Variants in ZNF99 observed in about 807,000 individuals in gnomAD.
ZNF99 encodes zinc finger protein ENSP00000375192.
ZNF99 carries 8 observed loss-of-function variants against 12.8 expected under a neutral mutation model. The ratio of observed to expected loss-of-function variants is 0.62; its 90% CI spans 0.37 to 1.13. The LOEUF (loss-of-function observed/expected upper bound fraction) is 1.13. ZNF99 is among the 50% of genes most tolerant of loss of function. The pLI is 0.02. For synonymous variants in ZNF99, 318 were observed against 319.0 expected (o/e 1.00, Z 0.03); for missense variants, 1,007 against 1,006.2 (o/e 1.00, Z -0.01).
At position 22,768,127 on chromosome 19, in the gene ZNF99, A is replaced by G. The variant is rs111689632; in HGVS notation, c.226+178T>C. 6.2e-3 allele frequency among the ~76,000 whole-genome samples: 950 copies of G among 152,342 alleles called. 12 individuals carry two copies. Among genetic ancestry groups the G allele is most frequent in the African/African-American group, 0.019 (804 of 41,574 alleles). On this transcript the variant is annotated intron_variant, in intron 3 of 3. Transcript: ENST00000596209. ...AAAACGAAAATAGAATCCTTAGAGA[A>G]TTTTAAAGCATAAGACAGAAGATGC...
At chr19:22,769,938 A>G in intron 1 of ZNF99, 1 of 1,360,264 alleles carries the variant, frequency 7.4e-7, no homozygotes, top group South Asian at 1.2e-5. Flanking sequence ...CTATTTTTAA[A>G]TCATACAGAA....
chr19:22,771,923 G>A, intron 1 of ZNF99, among the ~76,000 whole-genome samples: 1 of 148,358 alleles, frequency 6.7e-6, no homozygotes, highest in Non-Finnish European at 1.5e-5. Context: ...TCACCATATT[G>A]GCCAGGCTGG....
Position 22,757,811 on chromosome 19 carries a change from T to A in ZNF99, c.2098A>T (p.Thr700Ser), listed in dbSNP as rs2145140411. The A allele has an allele frequency of 6.2e-7, 1 of 1,612,994 alleles. No individual in the cohort carries two copies. The highest frequency in any genetic ancestry group is 2.2e-5 in the East Asian group (1 of 44,820). ...TCACATTTGTAGGGTTTCTTTCCAG[T>A]ATGAATTATCTTATGTTTCCTAAGG... The part of the protein sequence containing the change: ...SALRKHKIIH[T>S]GKKPYKCEEC... Residue 700 changes from threonine (T) to serine (S), a missense_variant, in exon 4 of 4, where the codon ACT (threonine) becomes TCT (serine). Physicochemically the swap from Thr to Ser is moderately conservative, Grantham distance 58 (BLOSUM62 1). Transcript: ENST00000596209.
At chr19:22,775,715 A>C (rs1973317808) in intron 1 of ZNF99, among the ~76,000 whole-genome samples, 1 of 152,258 alleles carries the variant, frequency 6.6e-6, no homozygotes, top group Non-Finnish European at 1.5e-5. Flanking sequence ...CAAGAAACAA[A>C]CAACCTCCTT....
chr19:22,758,803 T>G lies in ZNF99; in HGVS notation c.1106A>C (p.Tyr369Ser), dbSNP rs376938610. The G allele has an allele frequency of 4.4e-6, 7 of 1,603,822 alleles. No homozygotes were observed. Among genetic ancestry groups the G allele is most frequent in the Non-Finnish European group, 6.0e-6 (7 of 1,173,430 alleles). Reference sequence around the variant, plus strand: ...AGCTTTGCCGCATTCTTCATATTTGTAGGGTTTCTCTTCAGTATGAATTAT... The same window carrying G: ...AGCTTTGCCGCATTCTTCATATTTGGAGGGTTTCTCTTCAGTATGAATTAT... ...HEIIHTEEKP[Y>S]KYEECGKAFS... Residue 369 changes from tyrosine to serine, a missense_variant, in exon 4 of 4, where the codon TAC becomes TCC. Transcript: ENST00000596209.
chr19:22,771,498 G>A lies in ZNF99; in HGVS notation c.4-2174C>T, dbSNP rs1490633379. ...TCTCGATCTCCTGACCTCGTGATCC[G>A]CCTGCCTTGGCCTCCCAAAGTGCTG... On this transcript the variant is annotated intron_variant, in intron 1 of 3. Transcript: ENST00000596209. Among the ~76,000 whole-genome samples, 15 of 151,580 alleles carry A rather than the reference G, an allele frequency of 9.9e-5. No individual in the cohort carries two copies. The East Asian group carries it at 1.4e-3, about 14-fold the overall frequency.
Position 22,753,728 on chromosome 19 carries a change from T to C in ZNF99, c.*3586A>G, listed in dbSNP as rs1470174994. ...TTTAATATTTGTTTTAAGTATAAAC[T>C]CTGTGATGTTAAGATGTGAGCAGAT... On this transcript the variant is annotated 3_prime_UTR_variant, in exon 4 of 4. Transcript: ENST00000596209. 5 of 165,598 alleles carry C rather than the reference T, an allele frequency of 3.0e-5. No individual in the cohort carries two copies. The highest frequency in any genetic ancestry group is 1.2e-4 in the African/African-American group (5 of 41,686). The allele number at this position is 165,598 out of a possible 1,614,324, so 10.3% of individuals were successfully genotyped here. A position where few individuals can be genotyped will look rare whatever the true frequency, so the allele number is the denominator to read the frequency against.
In ZNF99 at chr19:22,754,268, G is replaced by A. The variant is rs1300125258; in HGVS notation, c.*3046C>T. The A allele has an allele frequency of 9.2e-6, 4 of 436,512 alleles. No homozygotes were observed. The highest frequency in any genetic ancestry group is 2.0e-5 in the African/African-American group (1 of 48,810). The allele number at this position is 436,512 out of a possible 1,614,324, so 27.0% of individuals were successfully genotyped here. A position where few individuals can be genotyped will look rare whatever the true frequency, so the allele number is the denominator to read the frequency against. ...TGCAATCCCAGCTGCTTGGGAGGTT[G>A]AGGCCAGAGAATCGCTTGAACCCAG... On this transcript the variant is annotated 3_prime_UTR_variant, in exon 4 of 4. Coordinates refer to ENST00000596209, the MANE Select transcript of ZNF99 (RefSeq NM_001080409.3).
At position 22,753,899 on chromosome 19, in the gene ZNF99, G is replaced by T; in HGVS notation, c.*3415C>A. On this transcript the variant is annotated 3_prime_UTR_variant, in exon 4 of 4. Coordinates refer to ENST00000596209, the MANE Select transcript of ZNF99 (RefSeq NM_001080409.3). ...AGGATAAATTAGCTTATACTCAAGT[G>T]TGACAACCATTTAAAGGCTTTGTGA... The T allele has an allele frequency of 2.9e-6, 1 of 339,100 alleles. No homozygotes were observed. The highest frequency in any genetic ancestry group is 5.9e-6 in the Non-Finnish European group (1 of 169,036). 21.0% of individuals were successfully genotyped at this position (339,100 alleles called of 1,614,324 possible). A position where few individuals can be genotyped will look rare whatever the true frequency, so the allele number is the denominator to read the frequency against.
intron 1 of ZNF99, among the ~76,000 whole-genome samples, chr19:22,777,171 C>T (rs55744741): frequency 0.19 from 29,354 of 151,884 alleles, 3,785 homozygotes; most frequent in African/African-American, 0.37. Context: ...AAGTATTTAG[C>T]AAAAACAAAA....
In ZNF99 at chr19:22,756,897, A is replaced by G. The variant is rs1240075329; in HGVS notation, c.*417T>C. On this transcript the variant is annotated 3_prime_UTR_variant, in exon 4 of 4. Coordinates refer to ENST00000596209, the MANE Select transcript of ZNF99 (RefSeq NM_001080409.3). ...GTAGGGTTTCTCTACAGTATGAATT[A>G]CCTTATGTTCCATAAGTTTTGAGAC... 3.1e-6 allele frequency: 5 copies of G among 1,611,070 alleles called. No individual in the cohort carries two copies. The South Asian group carries it at 4.4e-5, about 14-fold the overall frequency.
In ZNF99 at chr19:22,757,238, T is replaced by A; in HGVS notation, c.*76A>T. Reference sequence around the variant, plus strand: ...TTTCTTCCCAGTATAAATTATCTTATGTTTCCTAAGGGTTGAGGAATTGTT... The same window carrying A: ...TTTCTTCCCAGTATAAATTATCTTAAGTTTCCTAAGGGTTGAGGAATTGTT... On this transcript the variant is annotated 3_prime_UTR_variant, in exon 4 of 4. Transcript: ENST00000596209. 5 of 1,588,268 alleles carry A rather than the reference T, an allele frequency of 3.1e-6. No homozygotes were observed. Among genetic ancestry groups the A allele is most frequent in the Non-Finnish European group, 3.4e-6 (4 of 1,162,630 alleles).
chr19:22,755,183 C>T lies in ZNF99; in HGVS notation c.*2131G>A, dbSNP rs1384895771. 2 of 273,500 alleles carry T rather than the reference C, an allele frequency of 7.3e-6. No individual in the cohort carries two copies. The highest frequency in any genetic ancestry group is 1.5e-5 in the Non-Finnish European group (2 of 135,744). 16.9% of individuals were successfully genotyped at this position (273,500 alleles called of 1,614,324 possible). A position where few individuals can be genotyped will look rare whatever the true frequency, so the allele number is the denominator to read the frequency against. ...GCAAGAGTTGAGGACTGGCTAAAAG[C>T]ATTGCCACTTTCTTCACATTTGTAG... On this transcript the variant is annotated 3_prime_UTR_variant, in exon 4 of 4. Transcript: ENST00000596209.
chr19:22,778,866 G>T (rs1222626937), intron 1 of ZNF99, among the ~76,000 whole-genome samples: 1 of 152,030 alleles, frequency 6.6e-6, no homozygotes, highest in African/African-American at 2.4e-5. Context: ...AATTAGCTGG[G>T]CGTGGTGGTG....
chr19:22,763,068 C>G lies in ZNF99; in HGVS notation c.227-3386G>C, dbSNP rs182693227. Among the ~76,000 whole-genome samples the G allele has an allele frequency of 2.6e-5, 4 of 152,116 alleles. No homozygotes were observed. The East Asian group carries it at 7.8e-4, about 29-fold the overall frequency. On this transcript the variant is annotated intron_variant, in intron 3 of 3. Transcript: ENST00000596209. ...AAGTTGAAAGCATTCCCTCTGAGGA[C>G]TGGAACAAGACAAGGATGCCCACTT...
In ZNF99 at chr19:22,755,210, GT is replaced by G; in HGVS notation, c.*2103del. 4 of 275,652 alleles carry G rather than the reference GT, an allele frequency of 1.5e-5. No individual in the cohort carries two copies. The highest frequency in any genetic ancestry group is 2.2e-5 in the Non-Finnish European group (3 of 136,278). 17.1% of individuals were successfully genotyped at this position (275,652 alleles called of 1,614,324 possible). On this transcript the variant is annotated 3_prime_UTR_variant, in exon 4 of 4. Coordinates refer to ENST00000596209, the MANE Select transcript of ZNF99 (RefSeq NM_001080409.3). ...TTGCCACTTTCTTCACATTTGTAGG[GT>G]TTTTCTCCAGTACGAATTTTCTTAT...
intron 1 of ZNF99, among the ~76,000 whole-genome samples, chr19:22,776,781 T>C (rs1035945626): frequency 6.6e-6 from 1 of 152,216 alleles, no homozygotes; most frequent in Non-Finnish European, 1.5e-5. Context: ...GCATGTTCAC[T>C]GAAGCACTAT....
chr19:22,771,147 C>A (rs571223218), intron 1 of ZNF99: 1 of 150,312 alleles, frequency 6.7e-6, no homozygotes, highest in Middle Eastern at 3.5e-3. Context: ...CCGTGCTGGC[C>A]AGGCTGGTCT....
At chr19:22,773,568 T>C (rs1973295194) in intron 1 of ZNF99, among the ~76,000 whole-genome samples, 1 of 152,228 alleles carries the variant, frequency 6.6e-6, no homozygotes, top group African/African-American at 2.4e-5. Flanking sequence ...CATATCTTCA[T>C]GAAAGGAGGT....
Sources: allele counts gnomAD v4.1 joint callset (sites outside exome capture counted in the v4.1 genomes callset), GRCh38; gene constraint gnomAD v4.1.1; transcripts MANE v1.5; gene names NCBI Gene and HGNC (gene_info 2026-07-23, HGNC 2026-07-21).